Variants in ANKRD27 observed in about 807,000 individuals in gnomAD.
The protein encoded by ANKRD27 is ankyrin repeat domain 27.
In ANKRD27, 112 loss-of-function variants were observed where a neutral mutation model predicts 129.7. The ratio of observed to expected loss-of-function variants is 0.86; its 90% confidence interval spans 0.74 to 1.01. ANKRD27 has a LOEUF of 1.01. Among genes scored for constraint, ANKRD27 ranks in the 50% least tolerant of loss-of-function variants. The pLI, the probability that ANKRD27 is intolerant of heterozygous loss-of-function variation, is 0.00. For missense variants in ANKRD27, 1,258 were observed against 1,300.5 expected (o/e 0.97, Z 0.50); for synonymous variants, 516 against 511.2 (o/e 1.01, Z -0.13).
chr19:32,662,403 C>T (rs866909957), intron 1 of ANKRD27, among the ~76,000 whole-genome samples: 2 of 149,992 alleles, frequency 1.3e-5, no homozygotes, highest in African/African-American at 4.9e-5. Flanking sequence ...AACCAACAGG[C>T]AGAATCGATG....
In ANKRD27 at chr19:32,597,711, A is replaced by C. The variant is rs934657456; in HGVS notation, c.*434T>G. The C allele has an allele frequency of 5.6e-6, 1 of 179,118 alleles. No individual in the cohort carries two copies. The highest frequency in any genetic ancestry group is 1.2e-5 in the Non-Finnish European group (1 of 82,570). 11.1% of individuals were successfully genotyped at this position (179,118 alleles called of 1,614,324 possible). ...GCCTCTACAGTACCATGAAACCTAA[A>C]TTACTTACTTCTCTCCAGCTTAATC... On this transcript the variant is annotated 3_prime_UTR_variant, in exon 29 of 29. Transcript: ENST00000306065.
chr19:32,660,517 CA>C (rs1206599217), intron 1 of ANKRD27, among the ~76,000 whole-genome samples: 2 of 151,584 alleles, frequency 1.3e-5, no homozygotes, highest in African/African-American at 2.4e-5. Context: ...GACTCCGTTT[CA>C]AAAAAAAGAA....
At chr19:32,631,928 C>G (rs1474200658) in intron 12 of ANKRD27, among the ~76,000 whole-genome samples, 2 of 152,238 alleles carry the variant, frequency 1.3e-5, no homozygotes, top group Non-Finnish European at 2.9e-5. Flanking sequence ...ACAAGCTGGT[C>G]TCAATTTCCC....
At chr19:32,642,203 T>C in intron 9 of ANKRD27, 58 bp from the exon 10 acceptor site, 1 of 1,455,010 alleles carries the variant, frequency 6.9e-7, no homozygotes, top group Non-Finnish European at 9.2e-7. Flanking sequence ...CCCTCTGGCC[T>C]GGATCTAAGA....
At chr19:32,655,227 C>G (rs1568417263) in intron 2 of ANKRD27, 2 of 152,440 alleles carry the variant, frequency 1.3e-5, no homozygotes, top group Non-Finnish European at 2.9e-5. Context: ...TCACGACATC[C>G]CAGAGCTCCT....
In ANKRD27 at chr19:32,656,021, A is replaced by C. The variant is rs1967510979; in HGVS notation, c.102+2893T>G. ...CAACACAGTGAGACTCTGTTTCAAA[A>C]AAAAAAGAAGAAAAGAAAGAAAAGA... On this transcript the variant is annotated intron_variant, in intron 2 of 28. Coordinates refer to ENST00000306065, the MANE Select transcript of ANKRD27 (RefSeq NM_032139.3). Among the ~76,000 whole-genome samples, 4 of 142,432 alleles carry C rather than the reference A, an allele frequency of 2.8e-5. No homozygotes were observed. The South Asian group carries it at 9.0e-4, about 32-fold the overall frequency. 93.4% of individuals were successfully genotyped at this position (142,432 alleles called of 152,430 possible). A position where few individuals can be genotyped will look rare whatever the true frequency, so the allele number is the denominator to read the frequency against.
chr19:32,639,556 T>C, intron 11 of ANKRD27, 68 bp from the exon 12 acceptor site: 1 of 1,537,834 alleles, frequency 6.5e-7, no homozygotes, highest in Non-Finnish European at 8.9e-7. Context: ...AAAAATATCA[T>C]TGGCTTGGGC....
At position 32,638,980 on chromosome 19, in the gene ANKRD27, C is replaced by T. The variant is rs1361338285; in HGVS notation, c.1116+376G>A. ...AAAACTCAGGCAAAGGAGCCACCAG[C>T]CACAGAGGTTTCCGGCTGGAAAAGC... is the stretch of plus-strand genomic sequence containing the variant. On this transcript the variant is annotated intron_variant, in intron 12 of 28. Transcript: ENST00000306065. 8.4e-6 allele frequency: 3 copies of T among 358,244 alleles called. No individual in the cohort carries two copies. The South Asian group carries it at 3.5e-4, about 42-fold the overall frequency. 22.2% of individuals were successfully genotyped at this position (358,244 alleles called of 1,614,324 possible).
In ANKRD27 at chr19:32,644,489, A is replaced by C; in HGVS notation, c.371-10T>G. The C allele has an allele frequency of 1.9e-6, 3 of 1,612,486 alleles. No homozygotes were observed. The highest frequency in any genetic ancestry group is 2.5e-6 in the Non-Finnish European group (3 of 1,178,876). On this transcript the variant is annotated splice_polypyrimidine_tract_variant and intron_variant, in intron 4 of 28. Coordinates refer to ENST00000306065, the MANE Select transcript of ANKRD27 (RefSeq NM_032139.3). ...GGTGCCAAAGGCTCTTCTGAAAAAGAAACAAACAGGTCAGGCCGGCTGAAG... is the reference window on the plus strand; with the variant it reads ...GGTGCCAAAGGCTCTTCTGAAAAAGCAACAAACAGGTCAGGCCGGCTGAAG...
rs1490793779 is a variant in ANKRD27 at position 32,598,224 on chromosome 19, T to C, written c.3074A>G (p.Glu1025Gly). ...HRRMLRRHTV[E>G]DAVVSQGPEA... ...CGGGCCCTGGGACACGACCGCATCC[T>C]CTACCGTGTGTCTCCGCAGCATCCG... Residue 1025 changes from glutamate (E) to glycine (G), a missense_variant, in exon 29 of 29, where the codon GAG becomes GGG. Transcript: ENST00000306065. 6.2e-7 allele frequency: 1 copy of C among 1,614,148 alleles called. No individual in the cohort carries two copies. Among genetic ancestry groups the C allele is most frequent in the Admixed American group, 1.7e-5 (1 of 60,004 alleles).
In ANKRD27 at chr19:32,597,303, ACT is replaced by A. The variant is rs1302215061; in HGVS notation, c.*840_*841del. On this transcript the variant is annotated 3_prime_UTR_variant, in exon 29 of 29. Transcript: ENST00000306065. The stretch of plus-strand genomic sequence containing the variant: ...TGGCAATAAATTCTAACCGAAAGTA[ACT>A]CTGACCTGGTTTGTGCTGTTAAGTT... The A allele has an allele frequency of 3.3e-5, 5 of 152,598 alleles. No individual in the cohort carries two copies. Among genetic ancestry groups the A allele is most frequent in the African/African-American group, 9.6e-5 (4 of 41,452 alleles). The allele number at this position is 152,598 out of a possible 1,614,324, so 9.5% of individuals were successfully genotyped here.
At position 32,615,715 on chromosome 19, in the gene ANKRD27, C is replaced by T. The variant is rs405858; in HGVS notation, c.2118G>A (p.Ala706=). The part of the protein sequence containing the change: ...LEDAEDTVSA[A]DPEFCHPLCQ... ...ACAACGGGTGACAGAATTCGGGGTC[C>T]GCTGCACTGACAGTGTCCTCCGCAT... The change falls in exon 22 of 29, where the codon GCG becomes GCA. Residue 706 remains alanine (A), a synonymous_variant. Transcript: ENST00000306065. 0.65 allele frequency: 1,045,344 copies of T among 1,613,930 alleles called. 345,626 individuals carry two copies. Among genetic ancestry groups the T allele is most frequent in the Non-Finnish European group, 0.69 (814,778 of 1,179,988 alleles).
intron 25 of ANKRD27, among the ~76,000 whole-genome samples, chr19:32,603,924 G>C (rs1789241834): frequency 6.6e-6 from 1 of 152,204 alleles, no homozygotes; most frequent in African/African-American, 2.4e-5. Flanking sequence ...TGAGGATGGT[G>C]ACACCAGAAC....
chr19:32,603,954 T>C (rs1008717079), intron 25 of ANKRD27, among the ~76,000 whole-genome samples: 1 of 152,188 alleles, frequency 6.6e-6, no homozygotes, highest in East Asian at 1.9e-4. Context: ...TGCTCCTTCC[T>C]GAGTGCCTGA....
At chr19:32,659,093 G>GT in intron 1 of ANKRD27, 48 bp from the exon 2 acceptor site, 1 of 912,928 alleles carries the variant, frequency 1.1e-6, no homozygotes, top group South Asian at 1.3e-5. Context: ...TCGAGTTTAC[G>GT]TAACACATGA....
rs755417007 is a variant in ANKRD27, at chr19:32,644,315, G to A, written c.525+10C>T. The A allele has an allele frequency of 7.5e-6, 12 of 1,609,834 alleles. No individual in the cohort carries two copies. Among genetic ancestry groups the A allele is most frequent in the Admixed American group, 3.3e-5 (2 of 59,940 alleles). Reference sequence around the variant, plus strand: ...GGGCACGCCAGGCAGAGGACAGCACGGCTACTGACTATGTGGTGACGGAGG... The same window carrying A: ...GGGCACGCCAGGCAGAGGACAGCACAGCTACTGACTATGTGGTGACGGAGG... On this transcript the variant is annotated intron_variant, in intron 5 of 28. Transcript: ENST00000306065.
At chr19:32,615,105 A>AG (rs1478538685) in intron 22 of ANKRD27, among the ~76,000 whole-genome samples, 1 of 152,206 alleles carries the variant, frequency 6.6e-6, no homozygotes, top group Non-Finnish European at 1.5e-5. Context: ...CACGGGACTC[A>AG]GGGGCCCAGA....
At chr19:32,637,756 C>G (rs1412543218) in intron 12 of ANKRD27, 2 of 152,388 alleles carry the variant, frequency 1.3e-5, no homozygotes, top group African/African-American at 2.4e-5. Flanking sequence ...CCTGCCGCCG[C>G]AGGCTCGTAA....
chr19:32,616,101 A>AG (rs1971914549), intron 21 of ANKRD27, among the ~76,000 whole-genome samples: 1 of 152,184 alleles, frequency 6.6e-6, no homozygotes, highest in Non-Finnish European at 1.5e-5. Flanking sequence ...TGGGAGGCAG[A>AG]GGCCAGAGAA....
Sources: gnomAD v4.1 joint callset for allele counts (sites outside exome capture counted in the v4.1 genomes callset) on GRCh38, gnomAD v4.1.1 for gene constraint, MANE v1.5 for transcripts, NCBI Gene and HGNC (gene_info 2026-07-23, HGNC 2026-07-21) for gene names.